Variants in ATP8A2 observed in about 807,000 individuals in gnomAD.
The protein encoded by ATP8A2 is ATPase phospholipid transporting 8A2.
ATP8A2 carries 100 observed loss-of-function variants against 165.6 expected under a neutral mutation model. The ratio of observed to expected loss-of-function variants is 0.60; its 90% CI spans 0.51 to 0.71. ATP8A2 has a LOEUF of 0.71. ATP8A2 is among the 30% of genes least tolerant of loss of function. The probability of loss-of-function intolerance (pLI) is 0.00; values close to 1 mark genes in which losing one functional copy is unlikely to be tolerated. For synonymous variants in ATP8A2, 543 were observed against 548.8 expected (o/e 0.99, Z 0.15); for missense variants, 1,227 against 1,479.5 (o/e 0.83, Z 2.80).
chr13:25,919,143 T>C (rs1954361496), intron 33 of ATP8A2, among the ~76,000 whole-genome samples: 1 of 152,220 alleles, frequency 6.6e-6, no homozygotes, highest in Non-Finnish European at 1.5e-5. Context: ...AAGCTACCCA[T>C]CCTTTAATAT....
At chr13:25,839,679 C>A in intron 30 of ATP8A2, 55 bp downstream of exon 30, 1 of 1,441,724 alleles carries the variant, frequency 6.9e-7, no homozygotes, top group Non-Finnish European at 9.8e-7. Context: ...CGCTCTGCTG[C>A]CTGTGTGTTC....
rs1229197438 is a variant in ATP8A2, at chr13:25,750,164, C to T, written c.2385-18882C>T. 2.6e-5 allele frequency among the ~76,000 whole-genome samples: 4 copies of T among 152,142 alleles called. No individual in the cohort carries two copies. Among genetic ancestry groups the T allele is most frequent in the Non-Finnish European group, 2.9e-5 (2 of 68,022 alleles). On this transcript the variant is annotated intron_variant, in intron 25 of 36. Transcript: ENST00000381655. This position sits in a 1 kb window ranked among gnomAD's most constrained non-coding sequence, Gnocchi z 4.3. Reference sequence around the variant, plus strand: ...TCTAAAGCCACAGTAAGGAGAACTTCGGTGAAGTCCTCCCTGAAGGGTCAC... The same window carrying T: ...TCTAAAGCCACAGTAAGGAGAACTTTGGTGAAGTCCTCCCTGAAGGGTCAC...
intron 15 of ATP8A2, 41 bp downstream of exon 15, chr13:25,559,806 G>C: frequency 1.4e-6 from 2 of 1,416,962 alleles, no homozygotes; most frequent in Middle Eastern, 1.8e-4. Context: ...TAGTGGAAAA[G>C]CTTTTGGAAT....
chr13:25,991,094 T>C (rs958112143), intron 35 of ATP8A2, among the ~76,000 whole-genome samples: 1 of 151,976 alleles, frequency 6.6e-6, no homozygotes, highest in African/African-American at 2.4e-5. Context: ...GTGGACAGCC[T>C]CTCCCTCGGG....
chr13:25,944,081 T>G (rs1955144739), intron 33 of ATP8A2, among the ~76,000 whole-genome samples: 1 of 152,264 alleles, frequency 6.6e-6, no homozygotes, highest in South Asian at 2.1e-4. Flanking sequence ...GGCTAAAAAT[T>G]GAAGCTGGAC....
At chr13:25,990,284 C>CAAAAAAAAAA (rs1956363490) in intron 35 of ATP8A2, among the ~76,000 whole-genome samples, 1 of 88,430 alleles carries the variant, frequency 1.1e-5, no homozygotes, top group Non-Finnish European at 2.4e-5. Context: ...AAAAAAAAAG[C>CAAAAAAAAAA]AAAATTCCTG....
chr13:25,486,027 T>C (rs1340604613), intron 2 of ATP8A2, among the ~76,000 whole-genome samples: 1 of 152,238 alleles, frequency 6.6e-6, no homozygotes, highest in Non-Finnish European at 1.5e-5. Flanking sequence ...CATATTAGTA[T>C]GTACGAACTC....
At chr13:25,410,551 T>C (rs1468168058) in intron 1 of ATP8A2, among the ~76,000 whole-genome samples, 1 of 152,224 alleles carries the variant, frequency 6.6e-6, no homozygotes, top group East Asian at 1.9e-4. Flanking sequence ...GATTAGTACC[T>C]TGTACAGCAG....
At chr13:25,386,913 C>T (rs1332221294) in intron 1 of ATP8A2, among the ~76,000 whole-genome samples, 2 of 148,152 alleles carry the variant, frequency 1.3e-5, no homozygotes, top group African/African-American at 4.9e-5. Flanking sequence ...AGGAGAATGG[C>T]GGGAACCCGG....
In ATP8A2 at chr13:25,837,510, C is replaced by T. The variant is rs182237322; in HGVS notation, c.2877+225C>T. Among the ~76,000 whole-genome samples, 289 of 151,576 alleles carry T rather than the reference C, an allele frequency of 1.9e-3. 2 individuals carry two copies. Among genetic ancestry groups the T allele is most frequent in the Admixed American group, 2.8e-3 (42 of 15,230 alleles). On this transcript the variant is annotated intron_variant, in intron 29 of 36. Transcript: ENST00000381655. ...GAATTCAAGACGCCTTCTCAGGTGA[C>T]GGGTCCATGCTGTGTGGGCTGCAAC... is the stretch of plus-strand genomic sequence containing the variant.
chr13:25,604,054 A>G (rs543399561), intron 24 of ATP8A2, among the ~76,000 whole-genome samples: 41 of 152,108 alleles, frequency 2.7e-4, no homozygotes, highest in African/African-American at 9.4e-4. Context: ...GGTGGGGGGT[A>G]CTTCATTGTT....
At chr13:25,659,515 T>C (rs2042005275) in intron 24 of ATP8A2, among the ~76,000 whole-genome samples, 1 of 152,018 alleles carries the variant, frequency 6.6e-6, no homozygotes, top group Non-Finnish European at 1.5e-5. Context: ...AGATAAGCTA[T>C]CTCTACACCA....
intron 24 of ATP8A2, among the ~76,000 whole-genome samples, chr13:25,614,950 T>C (rs2040783373): frequency 6.6e-6 from 1 of 152,192 alleles, no homozygotes; most frequent in African/African-American, 2.4e-5. Flanking sequence ...GGTTGTATTT[T>C]TGTTTAGTGC....
At chr13:25,629,176 G>A (rs2041176504) in intron 24 of ATP8A2, among the ~76,000 whole-genome samples, 2 of 152,142 alleles carry the variant, frequency 1.3e-5, no homozygotes, top group Non-Finnish European at 2.9e-5. Flanking sequence ...GAAAGTGTTC[G>A]TAGACAGAAC....
intron 1 of ATP8A2, among the ~76,000 whole-genome samples, chr13:25,468,570 A>C (rs1013991345): frequency 2.6e-5 from 4 of 152,168 alleles, no homozygotes; most frequent in African/African-American, 9.6e-5. Context: ...ACTAGAGGGT[A>C]CGCTCGGCCA....
At chr13:25,440,849 T>C (rs1320260554) in intron 1 of ATP8A2, among the ~76,000 whole-genome samples, 2 of 152,198 alleles carry the variant, frequency 1.3e-5, no homozygotes, top group African/African-American at 4.8e-5. Flanking sequence ...TCTTTTTCAG[T>C]TTGTAAATGT....
chr13:25,791,339 T>C (rs1351617773), intron 27 of ATP8A2, among the ~76,000 whole-genome samples: 1 of 151,918 alleles, frequency 6.6e-6, no homozygotes, highest in Non-Finnish European at 1.5e-5. Context: ...GATAAGAACA[T>C]ACAGACACAA....
intron 2 of ATP8A2, among the ~76,000 whole-genome samples, chr13:25,488,820 A>G (rs1380491070): frequency 6.6e-6 from 1 of 151,904 alleles, no homozygotes; most frequent in Non-Finnish European, 1.5e-5. Flanking sequence ...AGTAAGCACC[A>G]CTTTTTAAAA....
At chr13:25,653,609 G>A (rs1376760164) in intron 24 of ATP8A2, among the ~76,000 whole-genome samples, 1 of 152,158 alleles carries the variant, frequency 6.6e-6, no homozygotes, top group East Asian at 1.9e-4. Flanking sequence ...TAAAATAAAA[G>A]TTAAATTAAA....
Sources: gnomAD v4.1 joint callset for allele counts (sites outside exome capture counted in the v4.1 genomes callset) on GRCh38, gnomAD v4.1.1 for gene constraint, Gnocchi (gnomAD v3.1) non-coding constraint, MANE v1.5 for transcripts, NCBI Gene and HGNC (gene_info 2026-07-23, HGNC 2026-07-21) for gene names.